VCAN: variants seen among roughly 807,000 people sequenced by gnomAD.
The protein encoded by VCAN is versican.
Under a neutral mutation model 245.5 loss-of-function variants are expected in VCAN, and 44 were observed. That is an observed-to-expected ratio of 0.18 (90% CI 0.14 to 0.23). VCAN has a LOEUF of 0.23. VCAN is among the 10% of genes least tolerant of loss of function. The pLI, the probability that VCAN is intolerant of heterozygous loss-of-function variation, is 1.00. For synonymous variants in VCAN, 1,413 were observed against 1,437.0 expected, an observed-to-expected ratio of 0.98 and a Z score of 0.38; for missense variants, 3,793 against 4,057.9, an observed-to-expected ratio of 0.93 and a Z score of 1.77.
chr5:83,481,244 CTTTTTT>C (rs202012593), intron 1 of VCAN, among the ~76,000 whole-genome samples: 6 of 132,512 alleles, frequency 4.5e-5, no homozygotes, highest in Middle Eastern at 3.9e-3. Flanking sequence ...TCTTTAATTT[CTTTTTT>C]TTTTTTTTTT....
chr5:83,521,146 C>T lies in VCAN; in HGVS notation c.2840C>T (p.Ser947Leu). The change falls in exon 7 of 15, where the codon TCA becomes TTA. Residue 947 changes from serine (S) to leucine (L), a missense_variant. By Grantham distance (145) the Ser-to-Leu change is moderately radical. Around this residue, in one of 5 missense-constraint regions of VCAN, gnomAD observed 3,182 missense variants for 3,250.3 expected, o/e 0.98. Transcript: ENST00000265077. ...VSTVPQFAHT[S>L]EVEGLAFVSY... is the part of the protein sequence containing the mutation. Reference sequence around the variant, plus strand: ...ACTGTTCCCCAATTTGCACACACTTCAGAGGTGGAAGGATTAGCATTTGTT... The same window carrying T: ...ACTGTTCCCCAATTTGCACACACTTTAGAGGTGGAAGGATTAGCATTTGTT... 6.2e-7 allele frequency: 1 copy of T among 1,613,960 alleles called. No individual in the cohort carries two copies. Among genetic ancestry groups the T allele is most frequent in the South Asian group, 1.1e-5 (1 of 91,050 alleles).
intron 2 of VCAN, among the ~76,000 whole-genome samples, chr5:83,488,075 A>G (rs1744850641): frequency 6.6e-6 from 1 of 152,210 alleles, no homozygotes; most frequent in Non-Finnish European, 1.5e-5. Context: ...TCAGGAAGGA[A>G]GATGAGATTT....
intron 12 of VCAN, among the ~76,000 whole-genome samples, chr5:83,568,581 A>G (rs1748170406): frequency 6.6e-6 from 1 of 152,096 alleles, no homozygotes; most frequent in Non-Finnish European, 1.5e-5. Context: ...TGAGATGGTT[A>G]TTGTTCAGAT....
Position 83,539,037 on chromosome 5 carries a change from G to A in VCAN, c.6034G>A (p.Gly2012Ser), listed in dbSNP as rs138550552. 34 of 1,614,000 alleles carry A rather than the reference G, an allele frequency of 2.1e-5. No homozygotes were observed. In the African/African-American group the frequency reaches 4.4e-4, roughly 21 times the overall value. ...EEFTSSAEGS[G>S]EQLVTVSSSV... ...GTTTACATCCTCAGCTGAGGGCTCA[G>A]GTGAGCAACTGGTCACAGTCAGCAG... Residue 2012 changes from glycine to serine, a missense_variant, in exon 8 of 15, where the codon GGT (glycine) becomes AGT (serine). This residue lies in a region of VCAN where 3,182 missense variants were observed against 3,250.3 expected (regional missense o/e 0.98). Coordinates refer to ENST00000265077, the MANE Select transcript of VCAN (RefSeq NM_004385.5).
chr5:83,519,721 A>G lies in VCAN; in HGVS notation c.1415A>G (p.Asp472Gly). Residue 472 changes from aspartate (D) to glycine (G), a missense_variant, in exon 7 of 15, where the codon GAT (aspartate) becomes GGT (glycine). Transcript: ENST00000265077. The part of the protein sequence containing the change: ...STTGVSHYAT[D>G]SWDGVVEDKQ... ...ACTGGCGTCTCTCATTATGCTACGG[A>G]TTCATGGGATGGTGTCGTGGAAGAT... 1 of 1,614,162 alleles carries G rather than the reference A, an allele frequency of 6.2e-7. No individual in the cohort carries two copies. Among genetic ancestry groups the G allele is most frequent in the African/African-American group, 1.3e-5 (1 of 75,048 alleles).
At chr5:83,529,193 A>G (rs1321059849) in intron 7 of VCAN, among the ~76,000 whole-genome samples, 1 of 152,094 alleles carries the variant, frequency 6.6e-6, no homozygotes, top group African/African-American at 2.4e-5. Flanking sequence ...TTTGCTTTGT[A>G]GGATACATGG....
At chr5:83,545,958 C>G (rs1024153338) in intron 9 of VCAN, among the ~76,000 whole-genome samples, 4 of 152,022 alleles carry the variant, frequency 2.6e-5, no homozygotes, top group African/African-American at 9.7e-5. Context: ...TCCCCCAAAT[C>G]TGCATATAAA....
At chr5:83,511,762 A>T (rs1745667487) in intron 5 of VCAN, among the ~76,000 whole-genome samples, 1 of 152,154 alleles carries the variant, frequency 6.6e-6, no homozygotes. Flanking sequence ...TTAAAAAAAC[A>T]AAAACCTGGA....
At chr5:83,562,315 G>A (rs1747897276) in intron 12 of VCAN, 1 of 152,066 alleles carries the variant, frequency 6.6e-6, no homozygotes, top group South Asian at 2.1e-4. Flanking sequence ...TTTGACTTGT[G>A]TTGTAGTTTA....
At chr5:83,472,821 C>T (rs1744243471) in intron 1 of VCAN, among the ~76,000 whole-genome samples, 1 of 152,120 alleles carries the variant, frequency 6.6e-6, no homozygotes, top group Non-Finnish European at 1.5e-5. Context: ...CTGGGAGGCC[C>T]CTGGGCGGGA....
At chr5:83,546,766 A>G (rs1747243162) in intron 9 of VCAN, among the ~76,000 whole-genome samples, 1 of 152,194 alleles carries the variant, frequency 6.6e-6, no homozygotes, top group African/African-American at 2.4e-5. Context: ...CATGTTTGGT[A>G]TTATTACTAT....
At position 83,580,381 on chromosome 5, in the gene VCAN, A is replaced by G. The variant is rs1328586886; in HGVS notation, c.10138A>G (p.Thr3380Ala). ...SSSAKDNSIN[T>A]SKHDHRWSRR... ...ATCAGCAAAGGACAATTCAATAAAT[A>G]CATCCAAACATGATCATCGTTGGAG... is the stretch of plus-strand genomic sequence containing the variant. Residue 3380 changes from threonine to alanine, a missense_variant, in exon 15 of 15, where the codon ACA becomes GCA. Thr to Ala is a moderately conservative substitution (Grantham distance 58). Transcript: ENST00000265077. 14 of 1,614,040 alleles carry G rather than the reference A, an allele frequency of 8.7e-6. No homozygotes were observed. The highest frequency in any genetic ancestry group is 1.1e-5 in the Non-Finnish European group (13 of 1,179,962).
At chr5:83,473,626 G>C (rs1204802999) in intron 1 of VCAN, among the ~76,000 whole-genome samples, 1 of 152,332 alleles carries the variant, frequency 6.6e-6, no homozygotes, top group South Asian at 2.1e-4. Flanking sequence ...AGGAGCGAGG[G>C]AGGCGGTGCG....
At chr5:83,489,449 C>A (rs1041534129) in intron 2 of VCAN, among the ~76,000 whole-genome samples, 1 of 152,152 alleles carries the variant, frequency 6.6e-6, no homozygotes, top group African/African-American at 2.4e-5. Flanking sequence ...AGAAACCAAC[C>A]TTTCCCCATT....
At chr5:83,496,373 G>C (rs937097130) in intron 5 of VCAN, among the ~76,000 whole-genome samples, 1 of 152,170 alleles carries the variant, frequency 6.6e-6, no homozygotes, top group African/African-American at 2.4e-5. Flanking sequence ...TACATACTTG[G>C]TGACTGAAAA....
Position 83,537,360 on chromosome 5 carries a change from C to T in VCAN, c.4357C>T (p.Pro1453Ser), listed in dbSNP as rs1164831205. The change falls in exon 8 of 15, where the codon CCA (proline) becomes TCA (serine). Residue 1453 changes from proline (P) to serine (S), a missense_variant. Coordinates refer to ENST00000265077, the MANE Select transcript of VCAN (RefSeq NM_004385.5). ...FSDSSESDTHPFVIAKTELST... is the reference protein window; with the variant it reads ...FSDSSESDTHSFVIAKTELST... Reference sequence around the variant, plus strand: ...GGACAGCTCTGAAAGTGATACTCATCCATTTGTAATAGCCAAAACGGAATT... The same window carrying T: ...GGACAGCTCTGAAAGTGATACTCATTCATTTGTAATAGCCAAAACGGAATT... 6.2e-7 allele frequency: 1 copy of T among 1,613,964 alleles called. No individual in the cohort carries two copies. The highest frequency in any genetic ancestry group is 8.5e-7 in the Non-Finnish European group (1 of 1,179,944).
intron 7 of VCAN, chr5:83,531,323 C>T (rs1436356419): frequency 2.0e-5 from 3 of 151,994 alleles, no homozygotes; most frequent in Non-Finnish European, 2.9e-5. Flanking sequence ...TATCTTTTTA[C>T]CTTGTAGTAC....
At chr5:83,486,515 C>T (rs1433902033) in intron 2 of VCAN, among the ~76,000 whole-genome samples, 1 of 152,088 alleles carries the variant, frequency 6.6e-6, no homozygotes. Context: ...GAAAGGACAA[C>T]AGCAACCAGT....
At chr5:83,534,837 A>G (rs922129578) in intron 7 of VCAN, among the ~76,000 whole-genome samples, 2 of 152,102 alleles carry the variant, frequency 1.3e-5, no homozygotes, top group African/African-American at 4.8e-5. Context: ...CATATAGTTT[A>G]AACATTTTCT....
Sources: allele counts gnomAD v4.1 joint callset (sites outside exome capture counted in the v4.1 genomes callset), GRCh38; gene constraint gnomAD v4.1.1; regional missense constraint gnomAD v4.1.1; transcripts MANE v1.5; gene names NCBI Gene and HGNC (gene_info 2026-07-23, HGNC 2026-07-21).